Variants in BNC2 observed in about 807,000 individuals in gnomAD.
BNC2 encodes zinc finger protein basonuclin-2.
In BNC2, 20 loss-of-function variants were observed where a neutral mutation model predicts 76.3. The ratio of observed to expected loss-of-function variants is 0.26; its 90% CI spans 0.18 to 0.38. The LOEUF is 0.38. Ranked by LOEUF, BNC2 falls within the 10% of genes least tolerant of loss-of-function variation. BNC2 has a pLI of 1.00. For synonymous variants in BNC2, 582 were observed against 514.8 expected, an observed-to-expected ratio of 1.13 and a Z score of -1.77; for missense variants, 1,382 against 1,399.8, an observed-to-expected ratio of 0.99 and a Z score of 0.20.
In BNC2 at chr9:16,414,233, G is replaced by A. The variant is rs534880677; in HGVS notation, c.*4756C>T. 2.6e-5 allele frequency: 4 copies of A among 152,292 alleles called. No individual in the cohort carries two copies. In the South Asian group the frequency reaches 8.3e-4, roughly 32 times the overall value. 9.4% of individuals were successfully genotyped at this position (152,292 alleles called of 1,614,324 possible). On this transcript the variant is annotated 3_prime_UTR_variant, in exon 7 of 7. Coordinates refer to ENST00000380672, the MANE Select transcript of BNC2 (RefSeq NM_017637.6). ...ATCAATACGCTCTCACCCACTGCGA[G>A]GCAGAGCTATGCCAGTCTTTTCTCT...
intron 3 of BNC2, among the ~76,000 whole-genome samples, chr9:16,647,089 T>C (rs936752401): frequency 1.3e-5 from 2 of 152,148 alleles, no homozygotes; most frequent in African/African-American, 2.4e-5. Context: ...TGCAACCTGG[T>C]TGTAGATGAT....
chr9:16,472,021 T>A (rs147009254), intron 5 of BNC2, among the ~76,000 whole-genome samples: 2 of 152,310 alleles, frequency 1.3e-5, no homozygotes, highest in African/African-American at 4.8e-5. Flanking sequence ...CCTTCCACCA[T>A]GATTCTGAGG....
At chr9:16,519,184 G>A (rs924564279) in intron 5 of BNC2, among the ~76,000 whole-genome samples, 2 of 152,176 alleles carry the variant, frequency 1.3e-5, no homozygotes, top group African/African-American at 4.8e-5. Flanking sequence ...TCTCTGGGAG[G>A]TGTGACCTTC....
chr9:16,775,435 T>A (rs1484064315), intron 1 of BNC2: 2 of 151,734 alleles, frequency 1.3e-5, no homozygotes, highest in Non-Finnish European at 2.9e-5. Flanking sequence ...TCATGTTGTA[T>A]GTGTGCTAGA....
At chr9:16,619,164 C>T (rs1820795266) in intron 3 of BNC2, among the ~76,000 whole-genome samples, 2 of 151,926 alleles carry the variant, frequency 1.3e-5, no homozygotes. Flanking sequence ...TGACTCTGTT[C>T]AGGAGGAAAA....
chr9:16,870,577 C>T, intron 1 of BNC2, 69 bp downstream of exon 1: 2 of 1,581,234 alleles, frequency 1.3e-6, no homozygotes, highest in East Asian at 2.3e-5. Flanking sequence ...GCCCCGGTGG[C>T]GCTCGGGCGC....
In BNC2 at chr9:16,664,504, T is replaced by C. The variant is rs1822207740; in HGVS notation, c.330+63293A>G. Among the ~76,000 whole-genome samples the C allele has an allele frequency of 2.6e-5, 4 of 152,078 alleles. 1 individual carries two copies. In the South Asian group the frequency reaches 8.3e-4, roughly 32 times the overall value. ...GCCTCTCTCCTTTTAGCTGAGACTGTCTGGGGACACTGAAGAGAATTTCTG... is the reference window on the plus strand; with the variant it reads ...GCCTCTCTCCTTTTAGCTGAGACTGCCTGGGGACACTGAAGAGAATTTCTG... On this transcript the variant is annotated intron_variant, in intron 3 of 6. Transcript: ENST00000380672.
intron 5 of BNC2, among the ~76,000 whole-genome samples, chr9:16,438,880 C>T (rs575450612): frequency 6.6e-6 from 1 of 152,172 alleles, no homozygotes; most frequent in South Asian, 2.1e-4. Flanking sequence ...ACTTTTGTGG[C>T]ATTCTTCTAA....
At chr9:16,848,251 G>A (rs1819037521) in intron 1 of BNC2, among the ~76,000 whole-genome samples, 1 of 152,192 alleles carries the variant, frequency 6.6e-6, no homozygotes, top group Non-Finnish European at 1.5e-5. Context: ...CTTCAAGTCT[G>A]ACAGCTTCCA....
rs146905061 is a variant in BNC2, at chr9:16,517,861, A to G, written c.669+34669T>C. On this transcript the variant is annotated intron_variant, in intron 5 of 6. Coordinates refer to ENST00000380672, the MANE Select transcript of BNC2 (RefSeq NM_017637.6). ...GGGTCCTGAGTTTTCTAAGATGATT[A>G]ATATACTAGATAATTGCAGAATTCT... Among the ~76,000 whole-genome samples, 6 of 152,246 alleles carry G rather than the reference A, an allele frequency of 3.9e-5. No individual in the cohort carries two copies. The East Asian group carries it at 1.2e-3, about 29-fold the overall frequency.
chr9:16,506,754 TTTTG>T (rs951989513), intron 5 of BNC2, among the ~76,000 whole-genome samples: 5 of 146,552 alleles, frequency 3.4e-5, no homozygotes, highest in East Asian at 3.9e-4. Flanking sequence ...GTTTGGTTTT[TTTTG>T]TTTGTTTGTT....
chr9:16,856,385 G>A (rs1052071735), intron 1 of BNC2, among the ~76,000 whole-genome samples: 2 of 151,988 alleles, frequency 1.3e-5, no homozygotes, highest in Non-Finnish European at 2.9e-5. Context: ...CAGACAAAAG[G>A]GAAGCTTCAA....
At chr9:16,665,477 A>AGAAG (rs1563888040) in intron 3 of BNC2, among the ~76,000 whole-genome samples, 9 of 143,824 alleles carry the variant, frequency 6.3e-5, no homozygotes, top group African/African-American at 2.5e-4. Context: ...AAAGAAAGAA[A>AGAAG]GAAAGAAAGA....
chr9:16,558,933 CAAAAA>C (rs574756487), intron 4 of BNC2, among the ~76,000 whole-genome samples: 2 of 81,214 alleles, frequency 2.5e-5, no homozygotes, highest in South Asian at 4.0e-4. Context: ...GACTCCGTCT[CAAAAA>C]AAAAAAAAAA....
chr9:16,488,632 C>T (rs1822213076), intron 5 of BNC2, among the ~76,000 whole-genome samples: 1 of 152,098 alleles, frequency 6.6e-6, no homozygotes, highest in East Asian at 1.9e-4. Context: ...TAAGTACTGC[C>T]TTATATACTG....
chr9:16,752,765 T>C (rs1472909360), intron 1 of BNC2, among the ~76,000 whole-genome samples: 1 of 152,230 alleles, frequency 6.6e-6, no homozygotes, highest in Non-Finnish European at 1.5e-5. Context: ...ACTTGCCGTA[T>C]TTGTGCATTC....
chr9:16,505,040 G>A (rs905723621), intron 5 of BNC2, among the ~76,000 whole-genome samples: 4 of 152,338 alleles, frequency 2.6e-5, no homozygotes, highest in African/African-American at 7.2e-5. Context: ...CACTCACAAC[G>A]TAAGTTGAGG....
At chr9:16,668,972 T>C (rs1822388489) in intron 3 of BNC2, among the ~76,000 whole-genome samples, 1 of 152,172 alleles carries the variant, frequency 6.6e-6, no homozygotes, top group South Asian at 2.1e-4. Flanking sequence ...AGTGCTTTAC[T>C]GTTCCTTCTG....
At chr9:16,681,373 G>A (rs1164861534) in intron 3 of BNC2, among the ~76,000 whole-genome samples, 1 of 152,136 alleles carries the variant, frequency 6.6e-6, no homozygotes, top group Non-Finnish European at 1.5e-5. Context: ...CTCATGTAGG[G>A]ATGTATTGCT....
Sources: gnomAD v4.1 joint callset for allele counts (sites outside exome capture counted in the v4.1 genomes callset) on GRCh38, gnomAD v4.1.1 for gene constraint, MANE v1.5 for transcripts, NCBI Gene and HGNC (gene_info 2026-07-23, HGNC 2026-07-21) for gene names.